CD1D: variants seen among roughly 807,000 people sequenced by gnomAD.
The protein encoded by CD1D is CD1d molecule, also known as antigen-presenting glycoprotein CD1d.
Under a neutral mutation model 42.1 loss-of-function variants are expected in CD1D, and 40 were observed. That is an observed-to-expected ratio of 0.95 (90% CI 0.74 to 1.24). CD1D has a LOEUF of 1.24. Ranked by LOEUF, CD1D falls within the 50% of genes most tolerant of loss-of-function variation. CD1D has a pLI of 0.00. For missense variants in CD1D, 437 were observed against 416.5 expected, an observed-to-expected ratio of 1.05 and a Z score of -0.43; for synonymous variants, 178 against 171.8, an observed-to-expected ratio of 1.04 and a Z score of -0.28.
In CD1D at chr1:158,182,041, A is replaced by C. The variant is rs747843388; in HGVS notation, c.338A>C (p.Glu113Ala). 6.2e-7 allele frequency: 1 copy of C among 1,606,992 alleles called. No homozygotes were observed. Among genetic ancestry groups the C allele is most frequent in the South Asian group, 1.1e-5 (1 of 90,302 alleles). ...CCATTCCTCTCCACAGATCCCTTGG[A>C]GCTCCAGGTGTCCGCTGGCTGTGAG... ...AKMLRLSYPLELQVSAGCEVH... is the reference protein window; with the variant it reads ...AKMLRLSYPLALQVSAGCEVH... The change falls in exon 3 of 6, where the codon GAG becomes GCG. Residue 113 changes from glutamate (E) to alanine (A), a missense_variant. By Grantham distance (107) the Glu-to-Ala change is moderately radical (BLOSUM62 -1). Coordinates refer to ENST00000674085, the MANE Select transcript of CD1D (RefSeq NM_001371762.2).
rs1648642806 is a variant in CD1D at position 158,184,899 on chromosome 1, GTA to G, written c.*751_*752del. 1.3e-5 allele frequency: 2 copies of G among 151,892 alleles called. No individual in the cohort carries two copies. 9.4% of individuals were successfully genotyped at this position (151,892 alleles called of 1,614,324 possible). A position where few individuals can be genotyped will look rare whatever the true frequency, so the allele number is the denominator to read the frequency against. ...TTAATAAACGAAGATAAATCATAGT[GTA>G]TGTGTATTATGTTGAAAAAAACTAC... On this transcript the variant is annotated 3_prime_UTR_variant, in exon 6 of 6. Transcript: ENST00000674085.
rs769399031 is a variant in CD1D, at chr1:158,183,072, G to A, written c.802G>A (p.Asp268Asn). 6.2e-7 allele frequency: 1 copy of A among 1,614,058 alleles called. No homozygotes were observed. The highest frequency in any genetic ancestry group is 8.5e-7 in the Non-Finnish European group (1 of 1,180,030). ...GACATGGTATCTCCGAGCAACCCTG[G>A]ATGTGGTGGCTGGGGAGGCAGCTGG... ...DETWYLRATL[D>N]VVAGEAAGLS... The change falls in exon 4 of 6, where the codon GAT (aspartate) becomes AAT (asparagine). Residue 268 changes from aspartate to asparagine, a missense_variant. By Grantham distance (23) the Asp-to-Asn change is conservative. Transcript: ENST00000674085.
intron 2 of CD1D, 25 bp downstream of exon 2, chr1:158,181,746 G>T: frequency 6.2e-7 from 1 of 1,602,440 alleles, no homozygotes; most frequent in Non-Finnish European, 8.5e-7. Context: ...AGGATCCTGG[G>T]CCGGTACCCA....
intron 4 of CD1D, among the ~76,000 whole-genome samples, chr1:158,183,531 A>G (rs530218026): frequency 6.6e-6 from 1 of 152,352 alleles, no homozygotes; most frequent in South Asian, 2.1e-4. Flanking sequence ...GTAGGGGCCA[A>G]TGAATCTGCA....
At chr1:158,183,426 C>T (rs1433519189) in intron 4 of CD1D, among the ~76,000 whole-genome samples, 1 of 152,206 alleles carries the variant, frequency 6.6e-6, no homozygotes, top group African/African-American at 2.4e-5. Flanking sequence ...AGCGAATAAA[C>T]AATCCCAGGA....
intron 3 of CD1D, chr1:158,182,545 C>A (rs1440562680): frequency 1.6e-6 from 1 of 607,312 alleles, no homozygotes; most frequent in African/African-American, 1.9e-5. Context: ...GTTAGGATCC[C>A]TGCTTGGTAG....
In CD1D at chr1:158,181,939, G is replaced by T; in HGVS notation, c.329-93G>T. On this transcript the variant is annotated intron_variant, in intron 2 of 5. Coordinates refer to ENST00000674085, the MANE Select transcript of CD1D (RefSeq NM_001371762.2). ...CTTACTTTCCTTTCCCTGAAGTCTG[G>T]GTCCCCATTATAACCTGCACATCAA... is the stretch of plus-strand genomic sequence containing the variant. The T allele has an allele frequency of 2.7e-6, 4 of 1,469,546 alleles. No individual in the cohort carries two copies. The South Asian group carries it at 5.4e-5, about 20-fold the overall frequency. 91.0% of individuals were successfully genotyped at this position (1,469,546 alleles called of 1,614,324 possible).
Position 158,185,364 on chromosome 1 carries a change from T to TA in CD1D, c.*1215dup, listed in dbSNP as rs1292434487. ...ACACTCTCTATACTAGACTTGCACATATGAATTTAGGATGTGCGTGAAGAT... is the reference window on the plus strand; with the variant it reads ...ACACTCTCTATACTAGACTTGCACATAATGAATTTAGGATGTGCGTGAAGAT... On this transcript the variant is annotated 3_prime_UTR_variant, in exon 6 of 6. Transcript: ENST00000674085. Among the ~76,000 whole-genome samples the TA allele has an allele frequency of 6.6e-6, 1 of 152,134 alleles. No individual in the cohort carries two copies. The highest frequency in any genetic ancestry group is 1.5e-5 in the Non-Finnish European group (1 of 68,014).
At position 158,181,734 on chromosome 1, in the gene CD1D, A is replaced by G. The variant is rs778549643; in HGVS notation, c.328+13A>G. The G allele has an allele frequency of 2.6e-5, 41 of 1,604,950 alleles. 1 individual carries two copies. The Middle Eastern group carries it at 1.5e-3, about 58-fold the overall frequency. ...CTACGCTTATCCTGTGAGCTGAGGG[A>G]TAGGATCCTGGGCCGGTACCCAAGG... On this transcript the variant is annotated intron_variant, in intron 2 of 5. Transcript: ENST00000674085.
Position 158,181,096 on chromosome 1 carries a change from G to A in CD1D, c.-6G>A, listed in dbSNP as rs1648376215. 5.8e-6 allele frequency: 9 copies of A among 1,545,708 alleles called. No homozygotes were observed. Among genetic ancestry groups the A allele is most frequent in the African/African-American group, 1.4e-5 (1 of 72,874 alleles). On this transcript the variant is annotated 5_prime_UTR_variant, in exon 1 of 6. Coordinates refer to ENST00000674085, the MANE Select transcript of CD1D (RefSeq NM_001371762.2). Reference sequence around the variant, plus strand: ...GGCGCTCCGCGAGGTCCCCACGCCGGGCGATATGGGGTGCCTGCTGTTTCT... The same window carrying A: ...GGCGCTCCGCGAGGTCCCCACGCCGAGCGATATGGGGTGCCTGCTGTTTCT...
intron 5 of CD1D, 27 bp downstream of exon 5, chr1:158,184,062 A>G (rs764932897): frequency 1.2e-6 from 2 of 1,612,448 alleles, no homozygotes; most frequent in Non-Finnish European, 1.7e-6. Flanking sequence ...CCTTTCCTCA[A>G]CCTCTCTCCC....
upstream of CD1D, chr1:158,179,830 G>A (rs756731431): frequency 1.3e-5 from 2 of 152,302 alleles, no homozygotes; most frequent in Non-Finnish European, 2.9e-5. Context: ...TGGAGGAACT[G>A]AAAGCTAACA....
chr1:158,181,316 G>T, intron 1 of CD1D, 139 bp from the exon 2 acceptor site: 5 of 1,436,978 alleles, frequency 3.5e-6, no homozygotes, highest in Non-Finnish European at 2.9e-6. Flanking sequence ...TGGCTCCGGG[G>T]AGAGGCAGCG....
chr1:158,181,072 G>A lies in CD1D; in HGVS notation c.-30G>A, dbSNP rs371858443. On this transcript the variant is annotated 5_prime_UTR_variant, in exon 1 of 6. Transcript: ENST00000674085. ...GCAGGTCAGAGGGCGGCGCGCAGCG[G>A]CGCTCCGCGAGGTCCCCACGCCGGG... 55 of 1,531,284 alleles carry A rather than the reference G, an allele frequency of 3.6e-5. No homozygotes were observed. In the African/African-American group the frequency reaches 5.5e-4, roughly 15 times the overall value. The allele number at this position is 1,531,284 out of a possible 1,614,324, so 94.9% of individuals were successfully genotyped here. A position where few individuals can be genotyped will look rare whatever the true frequency, so the allele number is the denominator to read the frequency against.
At chr1:158,182,678 A>G (rs897203892) in intron 3 of CD1D, among the ~76,000 whole-genome samples, 200 bp from the exon 4 acceptor site, 1 of 152,202 alleles carries the variant, frequency 6.6e-6, no homozygotes, top group African/African-American at 2.4e-5. Flanking sequence ...AAGAAGGAGT[A>G]TCAGGGCAGG....
Position 158,181,081 on chromosome 1 carries a change from G to A in CD1D, c.-21G>A. On this transcript the variant is annotated 5_prime_UTR_variant, in exon 1 of 6. Transcript: ENST00000674085. Reference sequence around the variant, plus strand: ...AGGGCGGCGCGCAGCGGCGCTCCGCGAGGTCCCCACGCCGGGCGATATGGG... The same window carrying A: ...AGGGCGGCGCGCAGCGGCGCTCCGCAAGGTCCCCACGCCGGGCGATATGGG... 1 of 1,540,238 alleles carries A rather than the reference G, an allele frequency of 6.5e-7. No homozygotes were observed. The highest frequency in any genetic ancestry group is 8.8e-7 in the Non-Finnish European group (1 of 1,142,126).
rs1295275943 is a variant in CD1D at position 158,183,136 on chromosome 1, A to G, written c.866A>G (p.Gln289Arg). The G allele has an allele frequency of 1.9e-6, 3 of 1,610,590 alleles. No individual in the cohort carries two copies. The highest frequency in any genetic ancestry group is 2.5e-6 in the Non-Finnish European group (3 of 1,177,800). Residue 289 changes from glutamine (Q) to arginine (R), a missense_variant, in exon 4 of 6, where the codon CAG becomes CGG. Transcript: ENST00000674085. ...CRVKHSSLEG[Q>R]DIVLYWGGSY... ...GTGAAGCACAGCAGTCTAGAGGGCC[A>G]GGACATCGTCCTCTACTGGGGTGAG...
At chr1:158,181,372 C>CT in intron 1 of CD1D, 83 bp from the exon 2 acceptor site, 1 of 1,564,836 alleles carries the variant, frequency 6.4e-7, no homozygotes, top group Non-Finnish European at 8.7e-7. Flanking sequence ...AGCTCATCTC[C>CT]TCTTGTTTCT....
chr1:158,186,360 G>A lies in CD1D; in HGVS notation c.*2210G>A, dbSNP rs937481257. Among the ~76,000 whole-genome samples, 1 of 152,042 alleles carries A rather than the reference G, an allele frequency of 6.6e-6. No homozygotes were observed. Among genetic ancestry groups the A allele is most frequent in the Non-Finnish European group, 1.5e-5 (1 of 68,012 alleles). Reference sequence around the variant, plus strand: ...TGGAAATGCCTCTGCATGAATTTATGGTAGCTCTGACTCATCTTTAAACAA... The same window carrying A: ...TGGAAATGCCTCTGCATGAATTTATAGTAGCTCTGACTCATCTTTAAACAA... On this transcript the variant is annotated 3_prime_UTR_variant, in exon 6 of 6. Coordinates refer to ENST00000674085, the MANE Select transcript of CD1D (RefSeq NM_001371762.2).
Sources: gnomAD v4.1 joint callset for allele counts (sites outside exome capture counted in the v4.1 genomes callset) on GRCh38, gnomAD v4.1.1 for gene constraint, MANE v1.5 for transcripts, NCBI Gene and HGNC (gene_info 2026-07-23, HGNC 2026-07-21) for gene names.